VPS13B: variants seen among roughly 807,000 people sequenced by gnomAD.
VPS13B encodes the protein intermembrane lipid transfer protein VPS13B.
VPS13B carries 285 observed loss-of-function variants against 426.4 expected under a neutral mutation model. The observed-to-expected ratio is 0.67, with a 90% CI of 0.61 to 0.74. The LOEUF is 0.74. Ranked by LOEUF, VPS13B falls within the 30% of genes least tolerant of loss-of-function variation. The pLI, the probability that VPS13B is intolerant of heterozygous loss-of-function variation, is 0.00. For synonymous variants in VPS13B, 1,676 were observed against 1,676.4 expected (o/e 1.00, Z 0.01); for missense variants, 4,537 against 4,782.6 (o/e 0.95, Z 1.51).
chr8:99,817,104 C>T (rs1184070258), intron 44 of VPS13B, among the ~76,000 whole-genome samples: 1 of 151,026 alleles, frequency 6.6e-6, no homozygotes, highest in Non-Finnish European at 1.5e-5. Flanking sequence ...CCTCTGTTCT[C>T]CTTCATCCCT....
chr8:99,143,719 G>A (rs1177274492), intron 13 of VPS13B, among the ~76,000 whole-genome samples: 1 of 152,180 alleles, frequency 6.6e-6, no homozygotes, highest in Non-Finnish European at 1.5e-5. Flanking sequence ...GAGTCAGACT[G>A]TGGTTTAAAA....
chr8:99,124,207 G>A (rs1848079964), intron 8 of VPS13B, among the ~76,000 whole-genome samples: 1 of 152,268 alleles, frequency 6.6e-6, no homozygotes, highest in South Asian at 2.1e-4. Flanking sequence ...TTGTAAGAAT[G>A]GATCCTTGGA....
At chr8:99,266,078 T>G (rs1484565728) in intron 17 of VPS13B, among the ~76,000 whole-genome samples, 4 of 152,128 alleles carry the variant, frequency 2.6e-5, no homozygotes, top group African/African-American at 7.2e-5. Flanking sequence ...TCTCATTAGT[T>G]CATCATTTAA....
chr8:99,736,778 T>C (rs146705128), intron 39 of VPS13B, among the ~76,000 whole-genome samples: 190 of 152,264 alleles, frequency 1.2e-3, no homozygotes, highest in African/African-American at 4.5e-3. Flanking sequence ...TTTGCCTCCA[T>C]GTATTTTCTT....
At chr8:99,255,983 T>A (rs551553559) in intron 17 of VPS13B, among the ~76,000 whole-genome samples, 48 of 152,274 alleles carry the variant, frequency 3.2e-4, no homozygotes, top group African/African-American at 1.1e-3. Flanking sequence ...TCCCACTTGA[T>A]CTTTGCTGTT....
At chr8:99,167,074 A>G (rs1248108615) in intron 15 of VPS13B, among the ~76,000 whole-genome samples, 1 of 152,204 alleles carries the variant, frequency 6.6e-6, no homozygotes, top group Non-Finnish European at 1.5e-5. Context: ...ACATCAATAT[A>G]TAATTTCAAA....
intron 39 of VPS13B, among the ~76,000 whole-genome samples, chr8:99,727,749 G>A (rs1032782388): frequency 2.0e-5 from 3 of 152,162 alleles, no homozygotes; most frequent in African/African-American, 7.2e-5. Context: ...GAGCCAAACA[G>A]TATCAGGTTT....
chr8:99,567,395 A>C (rs1240514489), intron 31 of VPS13B, among the ~76,000 whole-genome samples: 2 of 151,968 alleles, frequency 1.3e-5, no homozygotes, highest in African/African-American at 4.8e-5. Context: ...ATTGTAATAA[A>C]TAGACGTAGC....
chr8:99,101,276 T>C (rs1410305154), intron 4 of VPS13B, among the ~76,000 whole-genome samples: 3 of 151,930 alleles, frequency 2.0e-5, no homozygotes, highest in Non-Finnish European at 4.4e-5. Context: ...GGACTACAGG[T>C]GCCTGCCACC....
intron 17 of VPS13B, among the ~76,000 whole-genome samples, chr8:99,261,563 C>G (rs2132951200): frequency 6.6e-6 from 1 of 152,184 alleles, no homozygotes; most frequent in African/African-American, 2.4e-5. Flanking sequence ...TGTCTCACCT[C>G]CTTTGGGTAG....
intron 58 of VPS13B, chr8:99,868,012 CTGAAT>C: frequency 2.5e-6 from 1 of 404,268 alleles, no homozygotes; most frequent in Non-Finnish European, 4.7e-6. Context: ...GGATGACACT[CTGAAT>C]AGCCTGACAG....
chr8:99,254,831 C>T lies in VPS13B; in HGVS notation c.2516-19367C>T, dbSNP rs1006946593. Among the ~76,000 whole-genome samples, 9 of 151,760 alleles carry T rather than the reference C, an allele frequency of 5.9e-5. No individual in the cohort carries two copies. In the South Asian group the frequency reaches 6.2e-4, roughly 10 times the overall value. On this transcript the variant is annotated intron_variant, in intron 17 of 61. Coordinates refer to ENST00000357162, the MANE Select transcript of VPS13B (RefSeq NM_152564.5). ...CTGATTTTTGTATTGTTATTAGAGACGGGGTTTCACCATGTTGGCCAGGCT... is the reference window on the plus strand; with the variant it reads ...CTGATTTTTGTATTGTTATTAGAGATGGGGTTTCACCATGTTGGCCAGGCT...
rs768087730 is a variant in VPS13B, at chr8:99,511,503, A to G, written c.4624A>G (p.Thr1542Ala). The change falls in exon 29 of 62, where the codon ACT (threonine) becomes GCT (alanine). Residue 1542 changes from threonine to alanine, a missense_variant. Thr to Ala is a moderately conservative substitution (Grantham distance 58, BLOSUM62 0). Coordinates refer to ENST00000357162, the MANE Select transcript of VPS13B (RefSeq NM_152564.5). ...TCCAAAAACAGAAGAAATGCAGCCAACTGTTGAAGGTATTGTCTTCTGATT... is the reference window on the plus strand; with the variant it reads ...TCCAAAAACAGAAGAAATGCAGCCAGCTGTTGAAGGTATTGTCTTCTGATT... ...FIPKTEEMQP[T>A]VEANQAAKED... The G allele has an allele frequency of 1.2e-6, 2 of 1,612,680 alleles. No homozygotes were observed. The highest frequency in any genetic ancestry group is 1.1e-5 in the South Asian group (1 of 90,430).
At chr8:99,295,017 A>C (rs1415664035) in intron 19 of VPS13B, among the ~76,000 whole-genome samples, 1 of 152,182 alleles carries the variant, frequency 6.6e-6, no homozygotes, top group East Asian at 1.9e-4. Context: ...GTATTAGAAA[A>C]TGTAAGAGCT....
At chr8:99,485,561 A>G (rs1399770163) in intron 25 of VPS13B, among the ~76,000 whole-genome samples, 1 of 152,178 alleles carries the variant, frequency 6.6e-6, no homozygotes, top group African/African-American at 2.4e-5. Flanking sequence ...CCACAGATAC[A>G]AATAACATTT....
intron 19 of VPS13B, among the ~76,000 whole-genome samples, chr8:99,276,124 A>G (rs946835987): frequency 6.6e-6 from 1 of 152,180 alleles, no homozygotes; most frequent in African/African-American, 2.4e-5. Flanking sequence ...ATTTGCAACT[A>G]ACTGAGCAGA....
At chr8:99,127,952 G>A (rs1429254260) in intron 8 of VPS13B, among the ~76,000 whole-genome samples, 1 of 151,888 alleles carries the variant, frequency 6.6e-6, no homozygotes, top group African/African-American at 2.4e-5. Context: ...CAGTCTGTTA[G>A]GACATGTTTT....
chr8:99,755,208 T>C (rs546229789), intron 39 of VPS13B, among the ~76,000 whole-genome samples: 1 of 152,122 alleles, frequency 6.6e-6, no homozygotes, highest in Non-Finnish European at 1.5e-5. Context: ...AAGCAGTAAG[T>C]GAAGGCTAAG....
chr8:99,808,263 G>A (rs182886236), intron 43 of VPS13B, among the ~76,000 whole-genome samples: 1 of 152,286 alleles, frequency 6.6e-6, no homozygotes, highest in East Asian at 1.9e-4. Flanking sequence ...GCTCACGCCT[G>A]TAATCCTAGC....
Sources: gnomAD v4.1 joint callset for allele counts (sites outside exome capture counted in the v4.1 genomes callset) on GRCh38, gnomAD v4.1.1 for gene constraint, MANE v1.5 for transcripts, NCBI Gene and HGNC (gene_info 2026-07-23, HGNC 2026-07-21) for gene names.